The following UTP4 variants were observed in gnomAD, a reference collection of about 807,000 sequenced individuals.
UTP4 encodes U3 small nucleolar RNA-associated protein 4 homolog.
Under a neutral mutation model 82.4 loss-of-function variants are expected in UTP4, and 45 were observed. That is an observed-to-expected ratio of 0.55 (90% CI 0.43 to 0.70). UTP4 has a LOEUF of 0.70. Ranked by LOEUF, UTP4 falls within the 30% of genes least tolerant of loss-of-function variation. The pLI is 0.00. For synonymous variants in UTP4, 348 were observed against 300.3 expected (o/e 1.16, Z -1.64); for missense variants, 819 against 858.3 (o/e 0.95, Z 0.57).
chr16:69,144,039 C>T (rs962290587), intron 6 of UTP4, among the ~76,000 whole-genome samples: 9 of 151,614 alleles, frequency 5.9e-5, no homozygotes, highest in African/African-American at 2.2e-4. Flanking sequence ...AGGCCCCTGT[C>T]ACCACACCCA....
At chr16:69,150,060 G>A (rs1963220041) in intron 6 of UTP4, among the ~76,000 whole-genome samples, 1 of 152,116 alleles carries the variant, frequency 6.6e-6, no homozygotes, top group Non-Finnish European at 1.5e-5. Context: ...TGAAATAAAC[G>A]TTATTAAGAA....
At chr16:69,147,048 G>A (rs1044051011) in intron 6 of UTP4, among the ~76,000 whole-genome samples, 9 of 148,698 alleles carry the variant, frequency 6.1e-5, no homozygotes, top group South Asian at 2.1e-4. Context: ...ATGGTGCTGC[G>A]TGCCTGTAAT....
chr16:69,133,683 G>A lies in UTP4; in HGVS notation c.159+65G>A, dbSNP rs566014810. The A allele has an allele frequency of 2.7e-5, 42 of 1,534,666 alleles. No individual in the cohort carries two copies. The South Asian group carries it at 4.4e-4, about 16-fold the overall frequency. The stretch of plus-strand genomic sequence containing the variant: ...ATTTCTTCTGAAGTTCAAGAAGCTT[G>A]TATGTCTTTTATAATCAAACTGATT... On this transcript the variant is annotated intron_variant, in intron 2 of 16. Transcript: ENST00000314423.
rs1490194448 is a variant in UTP4, at chr16:69,159,069, A to T, written c.1445-1287A>T. Among the ~76,000 whole-genome samples, 4 of 151,518 alleles carry T rather than the reference A, an allele frequency of 2.6e-5. No homozygotes were observed. The East Asian group carries it at 7.8e-4, about 29-fold the overall frequency. On this transcript the variant is annotated intron_variant, in intron 12 of 16. Coordinates refer to ENST00000314423, the MANE Select transcript of UTP4 (RefSeq NM_032830.3). Reference sequence around the variant, plus strand: ...GTCCGTAACTTTTTTTTTTATTATTAATTTATTTATTTTTGAGATAGAATT... The same window carrying T: ...GTCCGTAACTTTTTTTTTTATTATTTATTTATTTATTTTTGAGATAGAATT...
At chr16:69,164,215 C>T (rs911009071) in intron 14 of UTP4, among the ~76,000 whole-genome samples, 1 of 152,046 alleles carries the variant, frequency 6.6e-6, no homozygotes, top group African/African-American at 2.4e-5. Context: ...CACATGCACA[C>T]ACACACTGTC....
intron 8 of UTP4, among the ~76,000 whole-genome samples, chr16:69,152,560 C>T (rs762638354): frequency 1.2e-4 from 18 of 149,668 alleles, no homozygotes; most frequent in Non-Finnish European, 2.7e-4. Flanking sequence ...ACCTCAGTCT[C>T]CTGGGTTCAA....
intron 7 of UTP4, 40 bp downstream of exon 7, chr16:69,150,748 C>A: frequency 6.2e-7 from 1 of 1,613,592 alleles, no homozygotes; most frequent in South Asian, 1.1e-5. Flanking sequence ...TTTACCCTGC[C>A]CAGTTCTGGC....
chr16:69,161,085 G>C (rs773734554), intron 13 of UTP4, among the ~76,000 whole-genome samples: 4 of 152,024 alleles, frequency 2.6e-5, no homozygotes, highest in Non-Finnish European at 5.9e-5. Context: ...CTGTATTTTC[G>C]GGAGGAAAAT....
chr16:69,140,931 A>G (rs1180339887), intron 5 of UTP4, among the ~76,000 whole-genome samples: 1 of 152,062 alleles, frequency 6.6e-6, no homozygotes, highest in Non-Finnish European at 1.5e-5. Flanking sequence ...CAGTATGGTT[A>G]TATTATAACT....
intron 6 of UTP4, among the ~76,000 whole-genome samples, chr16:69,149,514 G>A (rs571450570): frequency 1.7e-3 from 265 of 152,062 alleles, no homozygotes; most frequent in Non-Finnish European, 3.2e-3. Context: ...TCATGCCACT[G>A]CCCTCCAGCC....
Position 69,167,103 on chromosome 16 carries a change from A to G in UTP4, c.1862A>G (p.Tyr621Cys). Residue 621 changes from tyrosine to cysteine, a missense_variant, in exon 16 of 17, where the codon TAC (tyrosine) becomes TGC (cysteine). By Grantham distance (194) the Tyr-to-Cys change is radical. Coordinates refer to ENST00000314423, the MANE Select transcript of UTP4 (RefSeq NM_032830.3). ...LPLPNDKTLL[Y>C]NPFPPTNESD... ...CTTCCAAATGACAAAACCTTACTCT[A>G]CAATCCATTTCCTCCCACGAATGAA... The G allele has an allele frequency of 6.2e-7, 1 of 1,613,868 alleles. No individual in the cohort carries two copies. Among genetic ancestry groups the G allele is most frequent in the South Asian group, 1.1e-5 (1 of 91,078 alleles).
chr16:69,136,699 T>A lies in UTP4; in HGVS notation c.163T>A (p.Phe55Ile). The change falls in exon 3 of 17, where the codon TTC (phenylalanine) becomes ATC (isoleucine). Residue 55 changes from phenylalanine (F) to isoleucine (I), a missense_variant. Transcript: ENST00000314423. Reference protein sequence around the residue: ...LSANYFQEKFFPGHESRATEA... With the variant: ...LSANYFQEKFIPGHESRATEA... Reference sequence around the variant, plus strand: ...AGAAGTTATGGTGTTTCTGCAGTTTTTCCCAGGTCATGAGTCTCGGGCTAC... The same window carrying A: ...AGAAGTTATGGTGTTTCTGCAGTTTATCCCAGGTCATGAGTCTCGGGCTAC... 1 of 1,613,982 alleles carries A rather than the reference T, an allele frequency of 6.2e-7. No homozygotes were observed. Among genetic ancestry groups the A allele is most frequent in the South Asian group, 1.1e-5 (1 of 91,068 alleles).
rs757823634 is a variant in UTP4, at chr16:69,165,373, T to C, written c.1680T>C (p.Tyr560=). The change falls in exon 15 of 17, where the codon TAT becomes TAC. Residue 560 remains tyrosine (Y), a synonymous_variant. Coordinates refer to ENST00000314423, the MANE Select transcript of UTP4 (RefSeq NM_032830.3). ...VFEYSIPDKQ[Y]TDWSRTVQKQ... Reference sequence around the variant, plus strand: ...AGTACAGCATCCCAGACAAACAGTATACAGATTGGAGCCGGACTGTCCAGA... The same window carrying C: ...AGTACAGCATCCCAGACAAACAGTACACAGATTGGAGCCGGACTGTCCAGA... 7.4e-6 allele frequency: 12 copies of C among 1,613,998 alleles called. No individual in the cohort carries two copies. The South Asian group carries it at 8.8e-5, about 12-fold the overall frequency.
chr16:69,159,781 A>G (rs1963516662), intron 12 of UTP4, among the ~76,000 whole-genome samples: 1 of 152,114 alleles, frequency 6.6e-6, no homozygotes, highest in African/African-American at 2.4e-5. Context: ...TGAGGTCAGG[A>G]GTTCAAGACC....
intron 8 of UTP4, among the ~76,000 whole-genome samples, chr16:69,151,739 A>G (rs923996579): frequency 4.6e-5 from 7 of 151,920 alleles, no homozygotes; most frequent in Non-Finnish European, 2.9e-5. Flanking sequence ...TTATGGGGGC[A>G]GGAGATATGC....
intron 13 of UTP4, 92 bp downstream of exon 13, chr16:69,160,554 C>G: frequency 1.1e-6 from 1 of 900,446 alleles, no homozygotes; most frequent in Non-Finnish European, 1.9e-6. Flanking sequence ...TTGGCATGAC[C>G]TGGAAATTTA....
At chr16:69,133,041 C>G (rs1962682382) in intron 1 of UTP4, 1 of 266,814 alleles carries the variant, frequency 3.7e-6, no homozygotes, top group East Asian at 1.1e-4. Context: ...ACCAGGCAGC[C>G]AGATTAAGTC....
intron 5 of UTP4, among the ~76,000 whole-genome samples, 175 bp downstream of exon 5, chr16:69,140,089 T>C (rs993938853): frequency 2.0e-5 from 3 of 152,218 alleles, no homozygotes; most frequent in African/African-American, 7.2e-5. Context: ...TACCACTGCT[T>C]TTAGGGGAAT....
At chr16:69,139,269 G>T (rs1404236959) in intron 4 of UTP4, among the ~76,000 whole-genome samples, 1 of 151,700 alleles carries the variant, frequency 6.6e-6, no homozygotes, top group African/African-American at 2.4e-5. Context: ...ACCCGGCCTG[G>T]GTGTTCTTTC....
Sources: allele counts gnomAD v4.1 joint callset (sites outside exome capture counted in the v4.1 genomes callset), GRCh38; gene constraint gnomAD v4.1.1; transcripts MANE v1.5; gene names NCBI Gene and HGNC (gene_info 2026-07-23, HGNC 2026-07-21).